Variants in CREBZF observed in about 807,000 individuals in gnomAD.
The protein encoded by CREBZF is CREB/ATF bZIP transcription factor, also known as HCF-binding transcription factor Zhangfei.
CREBZF carries 8 observed loss-of-function variants against 21.1 expected under a neutral mutation model. The observed-to-expected ratio is 0.38, with a 90% CI of 0.22 to 0.68. The LOEUF is 0.68. Among genes scored for constraint, CREBZF ranks in the 30% least tolerant of loss-of-function variants. The pLI is 0.51. For synonymous variants in CREBZF, 270 were observed against 223.3 expected (o/e 1.21, Z -1.86); for missense variants, 518 against 484.3 (o/e 1.07, Z -0.65).
intron 1 of CREBZF, among the ~76,000 whole-genome samples, chr11:85,678,891 G>A (rs528108583): frequency 6.6e-6 from 1 of 152,198 alleles, no homozygotes; most frequent in African/African-American, 2.4e-5. Context: ...CTGGTTTGCT[G>A]ATCATAGATC....
upstream of CREBZF, among the ~76,000 whole-genome samples, chr11:85,666,671 T>C (rs1445054608): frequency 2.0e-5 from 3 of 152,334 alleles, no homozygotes; most frequent in East Asian, 1.9e-4. Context: ...AGTTGAACAC[T>C]GACAGGTCCC....
intron 1 of CREBZF, among the ~76,000 whole-genome samples, chr11:85,670,898 T>A (rs2082907498): frequency 6.6e-6 from 1 of 152,214 alleles, no homozygotes; most frequent in South Asian, 2.1e-4. Flanking sequence ...AATTAGCTTA[T>A]TAGGGTGGGT....
At position 85,660,456 on chromosome 11, in the gene CREBZF, T is replaced by C; in HGVS notation, c.*3355A>G. The stretch of plus-strand genomic sequence containing the variant: ...AAAGTGAAATCAGTATAGAAGTAAT[T>C]TGGGAACTTGAAAATGGCATTCATT... On this transcript the variant is annotated 3_prime_UTR_variant, in exon 1 of 1. Coordinates refer to ENST00000527447, the MANE Select transcript of CREBZF (RefSeq NM_001039618.4). The C allele has an allele frequency of 2.6e-6, 1 of 380,080 alleles. No individual in the cohort carries two copies. The highest frequency in any genetic ancestry group is 5.1e-6 in the Non-Finnish European group (1 of 195,904). The allele number at this position is 380,080 out of a possible 1,614,324, so 23.5% of individuals were successfully genotyped here.
chr11:85,665,128 T>G lies in CREBZF; in HGVS notation c.-253A>C, dbSNP rs1325778993. 4.9e-6 allele frequency: 2 copies of G among 411,386 alleles called. No homozygotes were observed. The highest frequency in any genetic ancestry group is 8.9e-6 in the Non-Finnish European group (2 of 225,596). The allele number at this position is 411,386 out of a possible 1,614,324, so 25.5% of individuals were successfully genotyped here. A position where few individuals can be genotyped will look rare whatever the true frequency, so the allele number is the denominator to read the frequency against. The stretch of plus-strand genomic sequence containing the variant: ...ACCCAGACAACGGCGTAGCCGGAAG[T>G]CAGTGGTTTTCGCCCCAGTCCCGCC... On this transcript the variant is annotated 5_prime_UTR_variant, in exon 1 of 1. Transcript: ENST00000527447.
chr11:85,672,904 C>T (rs1591490260), intron 1 of CREBZF, among the ~76,000 whole-genome samples: 2 of 152,268 alleles, frequency 1.3e-5, no homozygotes, highest in Admixed American at 1.3e-4. Flanking sequence ...GGCTGGCTAC[C>T]ACATCCTATA....
At position 85,659,894 on chromosome 11, in the gene CREBZF, A is replaced by G. The variant is rs1303875492; in HGVS notation, c.*3917T>C. 1 of 152,120 alleles carries G rather than the reference A, an allele frequency of 6.6e-6. No homozygotes were observed. Among genetic ancestry groups the G allele is most frequent in the Admixed American group, 6.6e-5 (1 of 15,260 alleles). 9.4% of individuals were successfully genotyped at this position (152,120 alleles called of 1,614,324 possible). A position where few individuals can be genotyped will look rare whatever the true frequency, so the allele number is the denominator to read the frequency against. The stretch of plus-strand genomic sequence containing the variant: ...AGAAACCTCAAAATATTCAGAAAAC[A>G]GTATCAAGTACTCAAGAGAAAGCTC... On this transcript the variant is annotated 3_prime_UTR_variant, in exon 1 of 1. Coordinates refer to ENST00000527447, the MANE Select transcript of CREBZF (RefSeq NM_001039618.4).
intron 1 of CREBZF, chr11:85,682,598 T>G (rs1406030306): frequency 4.7e-6 from 1 of 212,042 alleles, no homozygotes; most frequent in East Asian, 7.5e-5. Flanking sequence ...CCCTACCCCC[T>G]GCCCTACTCC....
upstream of CREBZF, among the ~76,000 whole-genome samples, chr11:85,667,253 A>G (rs1164264308): frequency 1.9e-5 from 2 of 104,654 alleles, no homozygotes; most frequent in Non-Finnish European, 3.6e-5. Flanking sequence ...TTGTACTTTT[A>G]GTAGAAATGG....
In CREBZF at chr11:85,663,327, C is replaced by G. The variant is rs1302767913; in HGVS notation, c.*484G>C. 5.0e-6 allele frequency: 3 copies of G among 602,042 alleles called. No homozygotes were observed. The highest frequency in any genetic ancestry group is 8.9e-6 in the Non-Finnish European group (3 of 338,756). 37.3% of individuals were successfully genotyped at this position (602,042 alleles called of 1,614,324 possible). ...GGGGACACATTAATAGCTATTTCAACCAGAAGAGGCATCTTAAATACATTC... is the reference window on the plus strand; with the variant it reads ...GGGGACACATTAATAGCTATTTCAAGCAGAAGAGGCATCTTAAATACATTC... On this transcript the variant is annotated 3_prime_UTR_variant, in exon 1 of 1. Coordinates refer to ENST00000527447, the MANE Select transcript of CREBZF (RefSeq NM_001039618.4).
Position 85,658,479 on chromosome 11 carries a change from G to A in CREBZF, c.*5332C>T, listed in dbSNP as rs1735705121. On this transcript the variant is annotated 3_prime_UTR_variant, in exon 1 of 1. Transcript: ENST00000527447. ...AAGTCTGTTGCTACAAATTTACTTTGCCAAAATTTTTGTTCAGAGGGCAGA... is the reference window on the plus strand; with the variant it reads ...AAGTCTGTTGCTACAAATTTACTTTACCAAAATTTTTGTTCAGAGGGCAGA... 6.6e-6 allele frequency among the ~76,000 whole-genome samples: 1 copy of A among 151,958 alleles called. No homozygotes were observed. Among genetic ancestry groups the A allele is most frequent in the South Asian group, 2.1e-4 (1 of 4,824 alleles).
chr11:85,663,793 A>G lies in CREBZF; in HGVS notation c.*18T>C, dbSNP rs1565808083. Reference sequence around the variant, plus strand: ...AGTTGAAAGGGGTAAACGCGGATAAAGAGCAGATTACTTGACCCTACATTT... The same window carrying G: ...AGTTGAAAGGGGTAAACGCGGATAAGGAGCAGATTACTTGACCCTACATTT... On this transcript the variant is annotated 3_prime_UTR_variant, in exon 1 of 1. Transcript: ENST00000527447. 6.3e-7 allele frequency: 1 copy of G among 1,584,596 alleles called. No individual in the cohort carries two copies. The highest frequency in any genetic ancestry group is 1.7e-5 in the Admixed American group (1 of 57,632).
At chr11:85,673,435 G>A (rs189933672) in intron 1 of CREBZF, among the ~76,000 whole-genome samples, 52 of 152,208 alleles carry the variant, frequency 3.4e-4, no homozygotes, top group Non-Finnish European at 6.2e-4. Context: ...CTATACTGTA[G>A]TCTACTGAGT....
upstream of CREBZF, among the ~76,000 whole-genome samples, chr11:85,669,926 G>T (rs1202819141): frequency 6.6e-6 from 1 of 152,106 alleles, no homozygotes; most frequent in Non-Finnish European, 1.5e-5. Context: ...TCCTGCCTCA[G>T]CCTTCCAAGT....
upstream of CREBZF, among the ~76,000 whole-genome samples, chr11:85,665,269 C>G (rs898034582): frequency 6.6e-6 from 1 of 152,194 alleles, no homozygotes; most frequent in African/African-American, 2.4e-5. Flanking sequence ...AATAACAAGT[C>G]TCTAGATTTA....
upstream of CREBZF, among the ~76,000 whole-genome samples, chr11:85,668,303 A>T (rs575671076): frequency 2.4e-4 from 36 of 152,198 alleles, no homozygotes; most frequent in Non-Finnish European, 5.1e-4. Flanking sequence ...CATTAAATTT[A>T]TTCATTTCTT....
chr11:85,664,530 G>A lies in CREBZF; in HGVS notation c.346C>T (p.Pro116Ser). 6.2e-7 allele frequency: 1 copy of A among 1,613,778 alleles called. No individual in the cohort carries two copies. The highest frequency in any genetic ancestry group is 8.5e-7 in the Non-Finnish European group (1 of 1,179,966). ...AGCCCGGGGTCCAGGTGCCAGTCCG[G>A]TTGCCTGGGGTCCAGGAGATCCGCC... is the stretch of plus-strand genomic sequence containing the variant. ...ELADLLDPRQ[P>S]DWHLDPGLSS... The change falls in exon 1 of 1, where the codon CCG becomes TCG. Residue 116 changes from proline (P) to serine (S), a missense_variant. Pro to Ser is a moderately conservative substitution (Grantham distance 74). Transcript: ENST00000527447. This position sits in a 1 kb window ranked among gnomAD's most constrained non-coding sequence, Gnocchi z 5.5.
rs749905822 is a variant in CREBZF at position 85,663,761 on chromosome 11, G to A, written c.*50C>T. 2 of 1,584,948 alleles carry A rather than the reference G, an allele frequency of 1.3e-6. No individual in the cohort carries two copies. The highest frequency in any genetic ancestry group is 1.3e-5 in the African/African-American group (1 of 74,356). On this transcript the variant is annotated 3_prime_UTR_variant, in exon 1 of 1. Transcript: ENST00000527447. Reference sequence around the variant, plus strand: ...CCCACTAAGGTAAGTTTGACATGGTGTAAGGGAGTTGAAAGGGGTAAACGC... The same window carrying A: ...CCCACTAAGGTAAGTTTGACATGGTATAAGGGAGTTGAAAGGGGTAAACGC...
intron 1 of CREBZF, among the ~76,000 whole-genome samples, chr11:85,681,612 C>T (rs900353455): frequency 6.6e-6 from 1 of 152,186 alleles, no homozygotes; most frequent in Admixed American, 6.5e-5. Context: ...ACTACTCATA[C>T]ATTATTTGCT....
In CREBZF at chr11:85,662,510, A is replaced by T; in HGVS notation, c.*1301T>A. On this transcript the variant is annotated 3_prime_UTR_variant, in exon 1 of 1. Transcript: ENST00000527447. Reference sequence around the variant, plus strand: ...TAAATACGTATATACTTTATCAAGCAGTGATGTTTCACAAAGAATTTCTTA... The same window carrying T: ...TAAATACGTATATACTTTATCAAGCTGTGATGTTTCACAAAGAATTTCTTA... The T allele has an allele frequency of 1.4e-6, 1 of 693,178 alleles. No homozygotes were observed. The highest frequency in any genetic ancestry group is 1.5e-5 in the South Asian group (1 of 65,266). 42.9% of individuals were successfully genotyped at this position (693,178 alleles called of 1,614,324 possible).
Sources: allele counts gnomAD v4.1 joint callset (sites outside exome capture counted in the v4.1 genomes callset), GRCh38; gene constraint gnomAD v4.1.1; non-coding constraint Gnocchi (gnomAD v3.1); transcripts MANE v1.5; gene names NCBI Gene and HGNC (gene_info 2026-07-23, HGNC 2026-07-21).